Variants in SLC6A5 observed in about 807,000 individuals in gnomAD.
SLC6A5 encodes sodium- and chloride-dependent glycine transporter 2.
In SLC6A5, 58 loss-of-function variants were observed where a neutral mutation model predicts 90.5. The ratio of observed to expected loss-of-function variants is 0.64; its 90% CI spans 0.52 to 0.80. SLC6A5 has a LOEUF of 0.80. Ranked by LOEUF, SLC6A5 falls within the 30% of genes least tolerant of loss-of-function variation. The probability of loss-of-function intolerance (pLI) is 0.00; values close to 1 mark genes in which losing one functional copy is unlikely to be tolerated. For missense variants in SLC6A5, 1,015 were observed against 1,017.6 expected (o/e 1.00, Z 0.03); for synonymous variants, 427 against 401.4 (o/e 1.06, Z -0.76).
intron 14 of SLC6A5, among the ~76,000 whole-genome samples, chr11:20,648,455 C>T (rs1853464410): frequency 6.6e-6 from 1 of 152,134 alleles, no homozygotes; most frequent in Non-Finnish European, 1.5e-5. Flanking sequence ...ACATCTGTAC[C>T]TATATTTTAG....
At chr11:20,604,163 A>T (rs1393634942) in intron 2 of SLC6A5, 123 bp from the exon 3 acceptor site, 31 of 1,255,446 alleles carry the variant, frequency 2.5e-5, no homozygotes, top group Middle Eastern at 2.1e-4. Context: ...TTGCTGATGC[A>T]TCCTCGGTTG....
At chr11:20,604,608 G>A (rs889997269) in intron 3 of SLC6A5, among the ~76,000 whole-genome samples, 184 bp downstream of exon 3, 10 of 152,178 alleles carry the variant, frequency 6.6e-5, no homozygotes, top group Non-Finnish European at 1.3e-4. Context: ...ATAATCGATC[G>A]GCATTAGATC....
Position 20,656,416 on chromosome 11 carries a change from C to T in SLC6A5, c.*1548C>T, listed in dbSNP as rs2133829391. 6.6e-6 allele frequency: 1 copy of T among 152,304 alleles called. No individual in the cohort carries two copies. Among genetic ancestry groups the T allele is most frequent in the Admixed American group, 6.5e-5 (1 of 15,304 alleles). 9.4% of individuals were successfully genotyped at this position (152,304 alleles called of 1,614,324 possible). ...CATTTATCTTCATAGTACAGGGTCT[C>T]AGGCAAAGTTTTTCAGTTCAAATCT... is the stretch of plus-strand genomic sequence containing the variant. On this transcript the variant is annotated 3_prime_UTR_variant, in exon 16 of 16. Transcript: ENST00000525748.
chr11:20,654,680 C>T (rs754823676), intron 15 of SLC6A5, 33 bp from the exon 16 acceptor site: 1 of 1,613,404 alleles, frequency 6.2e-7, no homozygotes, highest in South Asian at 1.1e-5. Flanking sequence ...TGCACTACTT[C>T]TGTGACCATG....
intron 12 of SLC6A5, among the ~76,000 whole-genome samples, chr11:20,637,860 TG>T (rs1281307141): frequency 6.6e-6 from 1 of 152,250 alleles, no homozygotes; most frequent in Non-Finnish European, 1.5e-5. Flanking sequence ...CCAAGTGTCT[TG>T]GTAAATTGTG....
intron 13 of SLC6A5, among the ~76,000 whole-genome samples, chr11:20,641,405 C>T (rs183329865): frequency 6.6e-6 from 1 of 152,270 alleles, no homozygotes; most frequent in African/African-American, 2.4e-5. Context: ...AGATTCACAG[C>T]AGACAATGGC....
At chr11:20,610,934 G>T (rs1852682141) in intron 5 of SLC6A5, among the ~76,000 whole-genome samples, 1 of 152,172 alleles carries the variant, frequency 6.6e-6, no homozygotes, top group Non-Finnish European at 1.5e-5. Context: ...AGCTGTCCTT[G>T]CAGGGTTAAC....
intron 14 of SLC6A5, among the ~76,000 whole-genome samples, chr11:20,647,441 A>G (rs1423630787): frequency 3.6e-5 from 5 of 138,848 alleles, no homozygotes; most frequent in African/African-American, 8.4e-5. Flanking sequence ...CCTATTATAT[A>G]TATATCAGTT....
intron 13 of SLC6A5, among the ~76,000 whole-genome samples, chr11:20,645,303 G>A (rs946895518): frequency 3.9e-5 from 6 of 152,104 alleles, no homozygotes; most frequent in African/African-American, 1.4e-4. Context: ...TGAGGTGGGG[G>A]TGGTGGGGGA....
intron 10 of SLC6A5, among the ~76,000 whole-genome samples, chr11:20,631,408 G>A (rs1853107425): frequency 6.6e-6 from 1 of 152,190 alleles, no homozygotes; most frequent in Admixed American, 6.5e-5. Context: ...TGGAATAAAT[G>A]TTTACTCTCT....
At chr11:20,623,182 G>T (rs1394782865) in intron 7 of SLC6A5, among the ~76,000 whole-genome samples, 1 of 152,222 alleles carries the variant, frequency 6.6e-6, no homozygotes, top group Non-Finnish European at 1.5e-5. Flanking sequence ...GTCCTGGTCA[G>T]CAGTGTCACA....
chr11:20,649,378 G>A (rs1853480872), intron 14 of SLC6A5, among the ~76,000 whole-genome samples: 1 of 152,066 alleles, frequency 6.6e-6, no homozygotes, highest in Non-Finnish European at 1.5e-5. Context: ...AAAAGGTCAG[G>A]GTGTACCTGA....
In SLC6A5 at chr11:20,646,847, C is replaced by T. The variant is rs1565289117; in HGVS notation, c.1983C>T (p.Phe661=). ...GTCTATTTGCAGGCTTGCAAAGATT[C>T]TGTGAAGATATAGAGATGATGATTG... The part of the protein sequence containing the change: ...GISYVYGLQR[F]CEDIEMMIGF... The change falls in exon 14 of 16, where the codon TTC becomes TTT. Residue 661 remains phenylalanine, a synonymous_variant. Transcript: ENST00000525748. The T allele has an allele frequency of 1.2e-6, 2 of 1,612,722 alleles. No individual in the cohort carries two copies. The highest frequency in any genetic ancestry group is 1.3e-5 in the African/African-American group (1 of 74,944).
intron 11 of SLC6A5, among the ~76,000 whole-genome samples, 183 bp downstream of exon 11, chr11:20,636,602 C>T (rs1853213281): frequency 6.6e-6 from 1 of 152,044 alleles, no homozygotes; most frequent in Admixed American, 6.5e-5. Flanking sequence ...TTTGGGTGCT[C>T]ATGTAATGGT....
chr11:20,637,279 C>T lies in SLC6A5; in HGVS notation c.1845C>T (p.Ile615=). ...TGGGCTGCTGCATTTGTTTCTTCAT[C>T]ATGGGTTTTCCAATGATCACTCAGG... is the stretch of plus-strand genomic sequence containing the variant. ...FTLGCCICFF[I]MGFPMITQGG... Residue 615 remains isoleucine, a synonymous_variant, in exon 12 of 16, where the codon ATC becomes ATT. Transcript: ENST00000525748. The T allele has an allele frequency of 1.2e-6, 2 of 1,609,540 alleles. No individual in the cohort carries two copies. Among genetic ancestry groups the T allele is most frequent in the Admixed American group, 1.7e-5 (1 of 59,858 alleles).
Position 20,652,373 on chromosome 11 carries a change from T to A in SLC6A5, c.2155T>A (p.Trp719Arg), listed in dbSNP as rs775086960. Residue 719 changes from tryptophan (W) to arginine (R), a missense_variant, in exon 15 of 16, where the codon TGG becomes AGG. Trp to Arg is a moderately radical substitution (Grantham distance 101). Coordinates refer to ENST00000525748, the MANE Select transcript of SLC6A5 (RefSeq NM_004211.5). ...TCCTAACTGGTCCATGGTGCTCGGA[T>A]GGCTAATGCTCGCCTGTTCCGTCAT... The part of the protein sequence containing the change: ...RYPNWSMVLG[W>R]LMLACSVIWI... The A allele has an allele frequency of 6.2e-7, 1 of 1,614,152 alleles. No individual in the cohort carries two copies. Among genetic ancestry groups the A allele is most frequent in the Non-Finnish European group, 8.5e-7 (1 of 1,179,986 alleles).
intron 12 of SLC6A5, 71 bp downstream of exon 12, chr11:20,637,374 C>A: frequency 7.3e-7 from 1 of 1,375,470 alleles, no homozygotes; most frequent in Non-Finnish European, 1.0e-6. Context: ...ATCTGTCTTT[C>A]AACCCTTAGC....
intron 13 of SLC6A5, among the ~76,000 whole-genome samples, chr11:20,643,229 T>C (rs1432790270): frequency 4.2e-5 from 3 of 71,936 alleles, no homozygotes; most frequent in Non-Finnish European, 8.0e-5. Flanking sequence ...CTCTCTCTCT[T>C]TTTTTTTTTT....
At chr11:20,622,374 G>A (rs2133793231) in intron 7 of SLC6A5, among the ~76,000 whole-genome samples, 1 of 152,314 alleles carries the variant, frequency 6.6e-6, no homozygotes, top group East Asian at 1.9e-4. Flanking sequence ...GGTTCCTGAA[G>A]TGCAGGGCCG....
Sources: allele counts gnomAD v4.1 joint callset (sites outside exome capture counted in the v4.1 genomes callset), GRCh38; gene constraint gnomAD v4.1.1; transcripts MANE v1.5; gene names NCBI Gene and HGNC (gene_info 2026-07-23, HGNC 2026-07-21).